SNX29: variants seen among roughly 807,000 people sequenced by gnomAD.
SNX29 encodes the protein sorting nexin-29.
A neutral mutation model predicts 102.1 loss-of-function variants in SNX29; 78 were observed. The ratio of observed to expected loss-of-function variants is 0.76; its 90% CI spans 0.64 to 0.92. The LOEUF is 0.92. SNX29 is among the 40% of genes least tolerant of loss of function. The pLI is 0.00. For synonymous variants in SNX29, 580 were observed against 414.5 expected (o/e 1.40, Z -4.85); for missense variants, 1,280 against 1,061.7 (o/e 1.21, Z -2.86).
At chr16:12,305,472 G>A (rs920075152) in intron 15 of SNX29, among the ~76,000 whole-genome samples, 1 of 152,158 alleles carries the variant, frequency 6.6e-6, no homozygotes, top group African/African-American at 2.4e-5. Flanking sequence ...CACTTCTCTG[G>A]GCACACTTGA....
At chr16:12,522,734 G>A (rs900609309) in intron 19 of SNX29, among the ~76,000 whole-genome samples, 1 of 152,154 alleles carries the variant, frequency 6.6e-6, no homozygotes, top group Non-Finnish European at 1.5e-5. Context: ...CATGTTTCCT[G>A]TACAGCCTGC....
At chr16:12,539,469 C>G (rs935936203) in intron 20 of SNX29, among the ~76,000 whole-genome samples, 6 of 152,164 alleles carry the variant, frequency 3.9e-5, no homozygotes, top group African/African-American at 1.4e-4. Context: ...ATGGATATAC[C>G]ACGGTTTATC....
intron 13 of SNX29, among the ~76,000 whole-genome samples, chr16:12,164,899 G>T (rs1234764485): frequency 6.6e-6 from 1 of 152,014 alleles, no homozygotes; most frequent in African/African-American, 2.4e-5. Context: ...TGTTTGTCAG[G>T]CTGGTCTTGA....
intron 11 of SNX29, among the ~76,000 whole-genome samples, chr16:12,084,521 T>C (rs1377280575): frequency 6.6e-6 from 1 of 152,204 alleles, no homozygotes; most frequent in African/African-American, 2.4e-5. Context: ...CCAGTTCTTG[T>C]TTCGGGCACA....
At chr16:12,552,780 C>G (rs970242243) in intron 20 of SNX29, among the ~76,000 whole-genome samples, 5 of 152,334 alleles carry the variant, frequency 3.3e-5, no homozygotes, top group East Asian at 3.9e-4. Flanking sequence ...CATCTCAGCT[C>G]TGGGCTTTCA....
At chr16:12,204,208 G>A (rs2076988839) in intron 14 of SNX29, among the ~76,000 whole-genome samples, 1 of 152,176 alleles carries the variant, frequency 6.6e-6, no homozygotes, top group Non-Finnish European at 1.5e-5. Context: ...ATCCAGCTGT[G>A]CCTGGCGTGA....
rs1188437386 is a variant in SNX29, at chr16:12,568,772, C to G, written c.*143C>G. ...CACACGATTCCCAACAGTTACACAA[C>G]ACCCCGATTAAACTAATCAGTCTTC... is the stretch of plus-strand genomic sequence containing the variant. On this transcript the variant is annotated 3_prime_UTR_variant, in exon 21 of 21. Coordinates refer to ENST00000566228, the MANE Select transcript of SNX29 (RefSeq NM_032167.5). 2 of 1,280,938 alleles carry G rather than the reference C, an allele frequency of 1.6e-6. No homozygotes were observed. The highest frequency in any genetic ancestry group is 5.1e-5 in the East Asian group (2 of 39,316). The allele number at this position is 1,280,938 out of a possible 1,614,324, so 79.3% of individuals were successfully genotyped here.
At chr16:12,267,353 G>A (rs1486800141) in intron 14 of SNX29, among the ~76,000 whole-genome samples, 3 of 152,018 alleles carry the variant, frequency 2.0e-5, no homozygotes, top group Admixed American at 2.0e-4. Context: ...TAAGCAGGCT[G>A]GGGTTTTCAT....
At chr16:12,012,217 G>A (rs547426293) in intron 3 of SNX29, among the ~76,000 whole-genome samples, 1 of 152,076 alleles carries the variant, frequency 6.6e-6, no homozygotes, top group Admixed American at 6.6e-5. Flanking sequence ...GGTTGTTAGC[G>A]GTCAAATAGG....
chr16:12,267,154 G>A (rs767357260), intron 14 of SNX29, among the ~76,000 whole-genome samples: 3 of 152,174 alleles, frequency 2.0e-5, no homozygotes, highest in South Asian at 2.1e-4. Flanking sequence ...AAGTAGGTTC[G>A]TATAATGTGT....
intron 4 of SNX29, among the ~76,000 whole-genome samples, chr16:12,034,081 C>T (rs1281684560): frequency 6.6e-6 from 1 of 152,156 alleles, no homozygotes; most frequent in African/African-American, 2.4e-5. Context: ...GTAATATACC[C>T]ATAACTGTAA....
At position 12,098,540 on chromosome 16, in the gene SNX29, C is replaced by T. The variant is rs575292479; in HGVS notation, c.1402+19625C>T. 2.0e-5 allele frequency among the ~76,000 whole-genome samples: 3 copies of T among 152,342 alleles called. No homozygotes were observed. The highest frequency in any genetic ancestry group is 2.1e-4 in the South Asian group (1 of 4,824). ...GCTTCCAGGTGTCTGTACACACCGT[C>T]GGTTTCATGTGCGCAGACGATTCAG... On this transcript the variant is annotated intron_variant, in intron 11 of 20. Transcript: ENST00000566228. This position sits in a 1 kb window ranked among gnomAD's most constrained non-coding sequence, Gnocchi z 6.0.
In SNX29 at chr16:12,158,084, C is replaced by CT. The variant is rs879385475; in HGVS notation, c.1595+28338dup. Among the ~76,000 whole-genome samples, 961 of 145,474 alleles carry CT rather than the reference C, an allele frequency of 6.6e-3. 4 individuals carry two copies. Among genetic ancestry groups the CT allele is most frequent in the Admixed American group, 9.1e-3 (132 of 14,546 alleles). ...TGCATGAGTTAAAGCGTTGCTGCTG[C>CT]TTTTTTTTTTTTAGAGACAGTTCTC... On this transcript the variant is annotated intron_variant, in intron 13 of 20. Transcript: ENST00000566228.
Position 12,524,793 on chromosome 16 carries a change from C to T in SNX29, c.2270C>T (p.Ala757Val), listed in dbSNP as rs1273327371. The T allele has an allele frequency of 1.2e-6, 2 of 1,613,786 alleles. No individual in the cohort carries two copies. The highest frequency in any genetic ancestry group is 2.2e-5 in the South Asian group (2 of 91,066). The change falls in exon 20 of 21, where the codon GCT becomes GTT. Residue 757 changes from alanine to valine, a missense_variant. Physicochemically the swap from Ala to Val is moderately conservative, Grantham distance 64. Coordinates refer to ENST00000566228, the MANE Select transcript of SNX29 (RefSeq NM_032167.5). ...NKVIQMVPEF[A>V]ASPKKETLIQ... is the part of the protein sequence containing the mutation. ...GTCATCCAGATGGTCCCCGAGTTCG[C>T]TGCCAGCCCCAAGAAGGAGACCCTC... is the stretch of plus-strand genomic sequence containing the variant.
intron 20 of SNX29, among the ~76,000 whole-genome samples, chr16:12,528,732 G>A (rs550688115): frequency 3.3e-5 from 5 of 152,254 alleles, no homozygotes; most frequent in African/African-American, 1.2e-4. Context: ...TGCTCCCACG[G>A]CCCCTCCATT....
chr16:12,262,095 A>G (rs35014164), intron 14 of SNX29, among the ~76,000 whole-genome samples: 2 of 108,338 alleles, frequency 1.8e-5, no homozygotes, highest in Admixed American at 9.4e-5. Flanking sequence ...TCCCCGGCTG[A>G]AGTAAGTGTT....
At position 12,454,291 on chromosome 16, in the gene SNX29, C is replaced by T. The variant is rs944087859; in HGVS notation, c.2038-23428C>T. On this transcript the variant is annotated intron_variant, in intron 18 of 20. Coordinates refer to ENST00000566228, the MANE Select transcript of SNX29 (RefSeq NM_032167.5). ...AGCAGAAAGATGGACGGCCTCAGTC[C>T]CTGATGACTAAGGAGAGCAGCCATC... 5.3e-5 allele frequency among the ~76,000 whole-genome samples: 8 copies of T among 152,154 alleles called. No homozygotes were observed. The South Asian group carries it at 6.2e-4, about 12-fold the overall frequency.
At chr16:12,262,601 AAG>A (rs1429223658) in intron 14 of SNX29, among the ~76,000 whole-genome samples, 2 of 152,206 alleles carry the variant, frequency 1.3e-5, no homozygotes, top group African/African-American at 2.4e-5. Context: ...GTCGCGGAGT[AAG>A]AGGTAGCAAC....
chr16:12,080,537 TC>T (rs2051813705), intron 11 of SNX29, among the ~76,000 whole-genome samples: 1 of 152,156 alleles, frequency 6.6e-6, no homozygotes, highest in South Asian at 2.1e-4. Context: ...ACTTTATTAT[TC>T]ATTTTTATTT....
Sources: allele counts gnomAD v4.1 joint callset (sites outside exome capture counted in the v4.1 genomes callset), GRCh38; gene constraint gnomAD v4.1.1; non-coding constraint Gnocchi (gnomAD v3.1); transcripts MANE v1.5; gene names NCBI Gene and HGNC (gene_info 2026-07-23, HGNC 2026-07-21).